The following CHKA variants were observed in gnomAD, a reference collection of about 807,000 sequenced individuals.
CHKA encodes choline kinase alpha, also known as CHETK-alpha.
In CHKA, 34 loss-of-function variants were observed where a neutral mutation model predicts 60.1. That is an observed-to-expected ratio of 0.57 (90% CI 0.43 to 0.75). The LOEUF (loss-of-function observed/expected upper bound fraction) is 0.75, where lower values mean the gene tolerates loss of function less well. CHKA is among the 30% of genes least tolerant of loss of function. CHKA has a pLI of 0.00. For synonymous variants in CHKA, 217 were observed against 223.1 expected (o/e 0.97, Z 0.24); for missense variants, 563 against 561.3 (o/e 1.00, Z -0.03).
In CHKA at chr11:68,112,053, C is replaced by CAAAAAA. The variant is rs754639082; in HGVS notation, c.350+8769_350+8774dup. On this transcript the variant is annotated intron_variant, in intron 1 of 11. Coordinates refer to ENST00000265689, the MANE Select transcript of CHKA (RefSeq NM_001277.3). ...GGGCAACAACAGCAAAACTCCGTCT[C>CAAAAAA]AAAAAAAAAAAAAAAAAAAAAAAAA... Among the ~76,000 whole-genome samples the CAAAAAA allele has an allele frequency of 2.4e-4, 5 of 20,914 alleles. 1 individual carries two copies. The highest frequency in any genetic ancestry group is 2.2e-4 in the Non-Finnish European group (3 of 13,376). 13.7% of individuals were successfully genotyped at this position (20,914 alleles called of 152,430 possible).
chr11:68,086,911 G>T (rs1210044570), intron 2 of CHKA, among the ~76,000 whole-genome samples: 1 of 152,160 alleles, frequency 6.6e-6, no homozygotes, highest in South Asian at 2.1e-4. Flanking sequence ...GCGTGAACCC[G>T]GGAGGCGGAG....
At chr11:68,087,669 G>A (rs1448160418) in intron 2 of CHKA, among the ~76,000 whole-genome samples, 1 of 152,010 alleles carries the variant, frequency 6.6e-6, no homozygotes, top group East Asian at 1.9e-4. Flanking sequence ...AAGAAACATG[G>A]ATGACATTCT....
At chr11:68,087,833 C>A (rs1188227624) in intron 2 of CHKA, among the ~76,000 whole-genome samples, 1 of 152,118 alleles carries the variant, frequency 6.6e-6, no homozygotes, top group Non-Finnish European at 1.5e-5. Flanking sequence ...ATAATCCTGT[C>A]TGGGTGCAGT....
intron 11 of CHKA, among the ~76,000 whole-genome samples, chr11:68,061,095 GTTTTTTTTT>G (rs757176198): frequency 1.3e-3 from 89 of 70,880 alleles, no homozygotes; most frequent in African/African-American, 5.8e-3. Flanking sequence ...GTCAGTGACA[GTTTTTTTTT>G]TTTTTTTTTT....
At chr11:68,102,160 AATCCCT>A (rs1857752631) in intron 1 of CHKA, among the ~76,000 whole-genome samples, 1 of 152,228 alleles carries the variant, frequency 6.6e-6, no homozygotes, top group Non-Finnish European at 1.5e-5. Flanking sequence ...CATTCAATGC[AATCCCT>A]ATCAAAATAC....
At chr11:68,065,680 AAC>A (rs1417418220) in intron 9 of CHKA, 104 bp downstream of exon 9, 10 of 774,562 alleles carry the variant, frequency 1.3e-5, no homozygotes, top group Non-Finnish European at 2.2e-5. Flanking sequence ...CAGCCTGGGA[AAC>A]AGAGTGAGAC....
intron 7 of CHKA, among the ~76,000 whole-genome samples, chr11:68,068,628 G>A (rs1393259325): frequency 6.6e-6 from 1 of 151,994 alleles, no homozygotes; most frequent in Non-Finnish European, 1.5e-5. Context: ...ATGTTGCCCA[G>A]GCTGGTCTAG....
intron 1 of CHKA, among the ~76,000 whole-genome samples, chr11:68,105,207 C>T (rs894574654): frequency 1.3e-5 from 2 of 151,520 alleles, no homozygotes; most frequent in Admixed American, 6.6e-5. Context: ...TAGTAGGCTG[C>T]CCAAGGTCTT....
intron 3 of CHKA, among the ~76,000 whole-genome samples, chr11:68,080,107 T>C (rs771461229): frequency 6.6e-6 from 1 of 152,178 alleles, no homozygotes; most frequent in Admixed American, 6.5e-5. Context: ...CATTTTCAGC[T>C]AACAGGATGT....
chr11:68,055,870 C>T (rs1285962022), intron 11 of CHKA, among the ~76,000 whole-genome samples: 1 of 151,224 alleles, frequency 6.6e-6, no homozygotes, highest in African/African-American at 2.4e-5. Flanking sequence ...CACAAAGAAA[C>T]CCCGTCTCTA....
intron 1 of CHKA, among the ~76,000 whole-genome samples, chr11:68,106,993 C>T (rs1857938781): frequency 6.6e-6 from 1 of 152,176 alleles, no homozygotes; most frequent in Admixed American, 6.5e-5. Context: ...GTGGATCATA[C>T]CTGTAATCCC....
chr11:68,119,137 G>A (rs956773021), intron 1 of CHKA, among the ~76,000 whole-genome samples: 1 of 152,206 alleles, frequency 6.6e-6, no homozygotes, highest in African/African-American at 2.4e-5. Context: ...AAACCTTGGA[G>A]AGAGCTGAAT....
At chr11:68,068,798 T>C in intron 7 of CHKA, 81 bp downstream of exon 7, 2 of 909,020 alleles carry the variant, frequency 2.2e-6, no homozygotes, top group South Asian at 1.4e-5. Context: ...TGATGCTACC[T>C]TACATTTTTC....
At chr11:68,057,619 TAG>T (rs1202928812) in intron 11 of CHKA, among the ~76,000 whole-genome samples, 1 of 152,226 alleles carries the variant, frequency 6.6e-6, no homozygotes, top group African/African-American at 2.4e-5. Context: ...GCGACCAGTC[TAG>T]GTCACTAAGC....
chr11:68,082,974 T>C (rs983144451), intron 2 of CHKA, among the ~76,000 whole-genome samples: 2 of 152,228 alleles, frequency 1.3e-5, no homozygotes, highest in Non-Finnish European at 2.9e-5. Context: ...TGATGTGCGA[T>C]GTGGTAGGCG....
chr11:68,104,213 T>C (rs1199751460), intron 1 of CHKA, among the ~76,000 whole-genome samples: 7 of 152,188 alleles, frequency 4.6e-5, no homozygotes, highest in African/African-American at 1.2e-4. Context: ...ACAGTACTTA[T>C]ATTAAGCAAA....
At chr11:68,063,521 G>C (rs1379048048) in intron 10 of CHKA, among the ~76,000 whole-genome samples, 1 of 152,040 alleles carries the variant, frequency 6.6e-6, no homozygotes, top group Admixed American at 6.6e-5. Context: ...ATAGGCTCTG[G>C]GTGGCAGCAG....
At chr11:68,068,715 G>C (rs1856521999) in intron 7 of CHKA, among the ~76,000 whole-genome samples, 164 bp downstream of exon 7, 1 of 152,014 alleles carries the variant, frequency 6.6e-6, no homozygotes, top group South Asian at 2.1e-4. Flanking sequence ...ATTGTGACTG[G>C]CCTCATACTC....
rs1855860962 is a variant in CHKA at position 68,053,164 on chromosome 11, G to A, written c.*824C>T. 6.3e-6 allele frequency: 1 copy of A among 157,754 alleles called. No individual in the cohort carries two copies. The highest frequency in any genetic ancestry group is 1.4e-5 in the Non-Finnish European group (1 of 70,830). 9.8% of individuals were successfully genotyped at this position (157,754 alleles called of 1,614,324 possible). A position where few individuals can be genotyped will look rare whatever the true frequency, so the allele number is the denominator to read the frequency against. ...CTACTCACAGGATCCGACACTCCAG[G>A]CAGAGCAGAGGGCAGGAGAGGCCCA... On this transcript the variant is annotated 3_prime_UTR_variant, in exon 12 of 12. Transcript: ENST00000265689.
Sources: allele counts gnomAD v4.1 joint callset (sites outside exome capture counted in the v4.1 genomes callset), GRCh38; gene constraint gnomAD v4.1.1; transcripts MANE v1.5; gene names NCBI Gene and HGNC (gene_info 2026-07-23, HGNC 2026-07-21).